DLGAP1: variants seen among roughly 807,000 people sequenced by gnomAD.
DLGAP1 encodes DLG associated protein 1, also known as disks large-associated protein 1.
In DLGAP1, 11 loss-of-function variants were observed where a neutral mutation model predicts 90.8. The ratio of observed to expected loss-of-function variants is 0.12; its 90% CI spans 0.08 to 0.20. DLGAP1 has a LOEUF of 0.20. DLGAP1 is among the 10% of genes least tolerant of loss of function. The probability of loss-of-function intolerance (pLI) is 1.00; values close to 1 mark genes in which losing one functional copy is unlikely to be tolerated. For missense variants in DLGAP1, 1,050 were observed against 1,333.8 expected (o/e 0.79, Z 3.31); for synonymous variants, 558 against 540.7 (o/e 1.03, Z -0.44).
In DLGAP1 at chr18:4,190,852, A is replaced by T. The variant is rs75922805; in HGVS notation, c.-266-39565T>A. Among the ~76,000 whole-genome samples the T allele has an allele frequency of 3.5e-3, 527 of 152,262 alleles. 2 individuals are homozygous for T. Among genetic ancestry groups the T allele is most frequent in the African/African-American group, 0.012 (495 of 41,572 alleles). ...TATAGTTTTTTTCTCTTTAAAATAC[A>T]AGTAAAGTTTTAAATATTTTTCCAG... On this transcript the variant is annotated intron_variant, in intron 1 of 12. Coordinates refer to ENST00000315677, the MANE Select transcript of DLGAP1 (RefSeq NM_004746.4).
At position 4,038,786 on chromosome 18, in the gene DLGAP1, A is replaced by T. The variant is rs8089683; in HGVS notation, c.-158-33585T>A. Among the ~76,000 whole-genome samples the T allele has an allele frequency of 4.7e-3, 716 of 152,260 alleles. 5 individuals are homozygous for T. Among genetic ancestry groups the T allele is most frequent in the African/African-American group, 0.016 (675 of 41,540 alleles). On this transcript the variant is annotated intron_variant, in intron 2 of 12. Transcript: ENST00000315677. ...GGATCTTTGCCCCAGGTAAAGAAAGAAAGATACAGTCCAGAGGTACAGGAG... is the reference window on the plus strand; with the variant it reads ...GGATCTTTGCCCCAGGTAAAGAAAGTAAGATACAGTCCAGAGGTACAGGAG...
chr18:3,754,138 C>G (rs989691875), intron 5 of DLGAP1, among the ~76,000 whole-genome samples: 8 of 152,098 alleles, frequency 5.3e-5, no homozygotes, highest in African/African-American at 1.9e-4. Context: ...GTAGTTGGAA[C>G]TACAGGCACA....
At chr18:3,955,158 C>T (rs572217332) in intron 3 of DLGAP1, among the ~76,000 whole-genome samples, 1 of 152,178 alleles carries the variant, frequency 6.6e-6, no homozygotes, top group South Asian at 2.1e-4. Context: ...ACCAGGCTGC[C>T]TGGAAAAACT....
At chr18:3,849,581 T>C (rs1352395330) in intron 4 of DLGAP1, among the ~76,000 whole-genome samples, 2 of 152,022 alleles carry the variant, frequency 1.3e-5, no homozygotes, top group Non-Finnish European at 2.9e-5. Flanking sequence ...TTTCTCCCAA[T>C]GAAGAAAGGG....
chr18:3,857,535 G>A (rs2069725543), intron 4 of DLGAP1, among the ~76,000 whole-genome samples: 2 of 152,256 alleles, frequency 1.3e-5, no homozygotes, highest in Middle Eastern at 3.4e-3. Context: ...CCAAGTTCAC[G>A]ATCAAGCTTT....
chr18:3,639,615 T>C (rs1220994190), intron 7 of DLGAP1, among the ~76,000 whole-genome samples: 4 of 152,144 alleles, frequency 2.6e-5, no homozygotes, highest in Non-Finnish European at 5.9e-5. Context: ...CAGATGAGGT[T>C]TCTGAAGGGC....
At chr18:3,713,865 A>C (rs1051792337) in intron 7 of DLGAP1, among the ~76,000 whole-genome samples, 1 of 152,166 alleles carries the variant, frequency 6.6e-6, no homozygotes, top group Non-Finnish European at 1.5e-5. Context: ...GAAATCCAAA[A>C]ATAAAAGGTT....
chr18:3,712,591 G>A (rs2147241760), intron 7 of DLGAP1, among the ~76,000 whole-genome samples: 1 of 152,310 alleles, frequency 6.6e-6, no homozygotes. Flanking sequence ...CTGATTTTAA[G>A]CAGGCCCATT....
chr18:4,152,341 C>T (rs1014124135), intron 1 of DLGAP1, among the ~76,000 whole-genome samples: 1 of 151,870 alleles, frequency 6.6e-6, no homozygotes, highest in African/African-American at 2.4e-5. Context: ...TTTTTTTAAC[C>T]TCCTAATTAT....
chr18:3,645,656 A>T (rs2059093375), intron 7 of DLGAP1, among the ~76,000 whole-genome samples: 1 of 152,186 alleles, frequency 6.6e-6, no homozygotes, highest in Non-Finnish European at 1.5e-5. Context: ...CAGAGTTCCT[A>T]GGCTGACTTC....
chr18:3,792,298 T>C (rs1026012921), intron 5 of DLGAP1, among the ~76,000 whole-genome samples: 2 of 152,086 alleles, frequency 1.3e-5, no homozygotes, highest in Non-Finnish European at 2.9e-5. Flanking sequence ...CTGGCCAACA[T>C]GGTGAAACCC....
At position 3,854,045 on chromosome 18, in the gene DLGAP1, T is replaced by C. The variant is rs139692631; in HGVS notation, c.957+25067A>G. On this transcript the variant is annotated intron_variant, in intron 4 of 12. Coordinates refer to ENST00000315677, the MANE Select transcript of DLGAP1 (RefSeq NM_004746.4). ...GATTATGTCTGGGGGATTTCTATTA[T>C]CTTCTTTATGTTCTTAGGTATTTTA... Among the ~76,000 whole-genome samples the C allele has an allele frequency of 9.1e-4, 139 of 152,312 alleles. No individual in the cohort carries two copies. The East Asian group carries it at 0.02, about 22-fold the overall frequency.
At chr18:3,779,184 A>C (rs1056089834) in intron 5 of DLGAP1, among the ~76,000 whole-genome samples, 17 of 152,062 alleles carry the variant, frequency 1.1e-4, no homozygotes, top group African/African-American at 2.4e-5. Flanking sequence ...GTCTCCCTGT[A>C]TCTCTCTGCA....
At chr18:3,537,686 C>T (rs2052456300) in intron 9 of DLGAP1, among the ~76,000 whole-genome samples, 1 of 152,108 alleles carries the variant, frequency 6.6e-6, no homozygotes, top group South Asian at 2.1e-4. Context: ...AGGAACAACC[C>T]TAATATTTTC....
At position 3,729,393 on chromosome 18, in the gene DLGAP1, C is replaced by T. The variant is rs1352283133; in HGVS notation, c.1351-18G>A. The T allele has an allele frequency of 8.1e-6, 13 of 1,599,878 alleles. 1 individual carries two copies. Among genetic ancestry groups the T allele is most frequent in the South Asian group, 2.2e-5 (2 of 89,998 alleles). On this transcript the variant is annotated intron_variant, in intron 6 of 12. Coordinates refer to ENST00000315677, the MANE Select transcript of DLGAP1 (RefSeq NM_004746.4). This position sits in a 1 kb window ranked among gnomAD's most constrained non-coding sequence, Gnocchi z 6.2. ...TCGCTCACCTGCGGGCAGACACAGG[C>T]GTTGTGACACTCGCCTCCACCTGGT... is the stretch of plus-strand genomic sequence containing the variant.
intron 3 of DLGAP1, among the ~76,000 whole-genome samples, chr18:3,887,420 T>C (rs1341542801): frequency 6.6e-6 from 1 of 152,182 alleles, no homozygotes; most frequent in African/African-American, 2.4e-5. Flanking sequence ...TTTCTCTAGC[T>C]GTAGTTAGAG....
intron 1 of DLGAP1, among the ~76,000 whole-genome samples, chr18:4,159,236 A>G (rs1250931564): frequency 1.3e-5 from 2 of 152,162 alleles, no homozygotes; most frequent in South Asian, 2.1e-4. Flanking sequence ...AATACTATAC[A>G]GTGTGAAACT....
chr18:4,308,634 C>T (rs550982790), intron 1 of DLGAP1, among the ~76,000 whole-genome samples: 7 of 152,272 alleles, frequency 4.6e-5, no homozygotes, highest in African/African-American at 1.4e-4. Context: ...TACCCCCAAA[C>T]TTACCTGACA....
Position 4,035,996 on chromosome 18 carries a change from C to T in DLGAP1, c.-158-30795G>A, listed in dbSNP as rs192304245. Among the ~76,000 whole-genome samples, 74 of 151,994 alleles carry T rather than the reference C, an allele frequency of 4.9e-4. 1 individual carries two copies. In the East Asian group the frequency reaches 6.4e-3, roughly 13 times the overall value. ...AAGTGTCCAAGAGGACACTTAGTAC[C>T]GGGAAAACCTACAGGTATCACAGAT... On this transcript the variant is annotated intron_variant, in intron 2 of 12. Transcript: ENST00000315677.
Sources: allele counts gnomAD v4.1 joint callset (sites outside exome capture counted in the v4.1 genomes callset), GRCh38; gene constraint gnomAD v4.1.1; non-coding constraint Gnocchi (gnomAD v3.1); transcripts MANE v1.5; gene names NCBI Gene and HGNC (gene_info 2026-07-23, HGNC 2026-07-21).